Variants in SAMTOR observed in about 807,000 individuals in gnomAD.
SAMTOR encodes the protein S-adenosylmethionine sensor upstream of mTORC1.
the SAMTOR span, chr7:112,939,659 A>C: frequency 1.2e-6 from 2 of 1,613,700 alleles, no homozygotes; most frequent in Non-Finnish European, 1.7e-6. Flanking sequence ...CTCCTGCTCC[A>C]GTTTCCGCTC....
chr7:112,833,986 T>G, the SAMTOR span, among the ~76,000 whole-genome samples: 4 of 152,202 alleles, frequency 2.6e-5, no homozygotes, highest in South Asian at 8.3e-4. Context: ...TATCCTTATT[T>G]ATTCCCTTGA....
At chr7:112,928,663 G>A in the SAMTOR span, among the ~76,000 whole-genome samples, 2 of 151,756 alleles carry the variant, frequency 1.3e-5, no homozygotes, top group Non-Finnish European at 3.0e-5. Context: ...AACTACAGAG[G>A]ATGGCTTTCA....
chr7:112,846,816 T>C, the SAMTOR span, among the ~76,000 whole-genome samples: 7 of 152,324 alleles, frequency 4.6e-5, no homozygotes, highest in East Asian at 1.3e-3. Context: ...ACTGTATGCT[T>C]TTTGGAATAT....
chr7:112,854,568 C>T, the SAMTOR span, among the ~76,000 whole-genome samples: 37 of 152,220 alleles, frequency 2.4e-4, no homozygotes, highest in African/African-American at 7.5e-4. Context: ...TTGCAAGAAG[C>T]TCTTTAGTCA....
chr7:112,860,648 A>T, the SAMTOR span, among the ~76,000 whole-genome samples: 1 of 152,134 alleles, frequency 6.6e-6, no homozygotes, highest in Admixed American at 6.5e-5. Flanking sequence ...CACGCCTGTA[A>T]TCCCAGCACT....
At chr7:112,866,853 T>C in the SAMTOR span, among the ~76,000 whole-genome samples, 1 of 152,340 alleles carries the variant, frequency 6.6e-6, no homozygotes, top group South Asian at 2.1e-4. Context: ...TTCATACTAA[T>C]CCCTGCTTTT....
the SAMTOR span, among the ~76,000 whole-genome samples, chr7:112,836,562 A>G: frequency 6.6e-6 from 1 of 152,064 alleles, no homozygotes. Flanking sequence ...TATGTCCAGA[A>G]TGGTATTTCC....
the SAMTOR span, among the ~76,000 whole-genome samples, chr7:112,869,483 A>C: frequency 6.6e-6 from 1 of 152,108 alleles, no homozygotes; most frequent in African/African-American, 2.4e-5. Flanking sequence ...GGAACCCATA[A>C]CACATGAATA....
chr7:112,901,449 G>A, the SAMTOR span, among the ~76,000 whole-genome samples: 1 of 152,176 alleles, frequency 6.6e-6, no homozygotes, highest in Non-Finnish European at 1.5e-5. Flanking sequence ...GCTAATTGCA[G>A]GAAAACAAGC....
At chr7:112,927,576 T>C in the SAMTOR span, among the ~76,000 whole-genome samples, 1 of 152,064 alleles carries the variant, frequency 6.6e-6, no homozygotes. Flanking sequence ...ACATGTGTCT[T>C]AAAGTAAAAG....
the SAMTOR span, among the ~76,000 whole-genome samples, chr7:112,845,595 T>C: frequency 6.6e-6 from 1 of 152,070 alleles, no homozygotes; most frequent in Non-Finnish European, 1.5e-5. Context: ...CAGATGCTGG[T>C]GAGTTTGTGT....
chr7:112,925,477 T>A, the SAMTOR span, among the ~76,000 whole-genome samples: 1 of 152,340 alleles, frequency 6.6e-6, no homozygotes, highest in African/African-American at 2.4e-5. Context: ...TCTTTTCCTT[T>A]CTGCAAGACT....
the SAMTOR span, among the ~76,000 whole-genome samples, chr7:112,831,455 G>A: frequency 6.6e-6 from 1 of 152,014 alleles, no homozygotes; most frequent in South Asian, 2.1e-4. Context: ...TCAGGAGTTC[G>A]AGACCAGCCT....
the SAMTOR span, among the ~76,000 whole-genome samples, chr7:112,873,748 A>G: frequency 6.6e-6 from 1 of 152,196 alleles, no homozygotes; most frequent in Non-Finnish European, 1.5e-5. Context: ...TCTGCACCGC[A>G]AAAGAAACTA....
the SAMTOR span, among the ~76,000 whole-genome samples, chr7:112,922,070 A>C: frequency 6.6e-6 from 1 of 151,974 alleles, no homozygotes; most frequent in Non-Finnish European, 1.5e-5. Flanking sequence ...ATTCTCCTGC[A>C]TCAGCCTGCC....
chr7:112,923,690 T>G, the SAMTOR span, among the ~76,000 whole-genome samples: 2 of 151,906 alleles, frequency 1.3e-5, no homozygotes, highest in Admixed American at 6.6e-5. Context: ...ATCCCATTAC[T>G]GGGTATATAC....
chr7:112,930,031 T>C, the SAMTOR span, among the ~76,000 whole-genome samples: 122 of 152,280 alleles, frequency 8.0e-4, no homozygotes, highest in South Asian at 0.024. Context: ...CTTTTAGAAA[T>C]TCAGAACAAT....
chr7:112,877,139 G>C, the SAMTOR span, among the ~76,000 whole-genome samples: 1 of 152,132 alleles, frequency 6.6e-6, no homozygotes, highest in Non-Finnish European at 1.5e-5. Flanking sequence ...ACTAACCTAT[G>C]TTAACAGCAC....
At chr7:112,845,764 C>T in the SAMTOR span, among the ~76,000 whole-genome samples, 3 of 152,192 alleles carry the variant, frequency 2.0e-5, no homozygotes, top group African/African-American at 7.2e-5. Flanking sequence ...AATCATTTTA[C>T]CATAAAGACA....
Sources: allele counts gnomAD v4.1 joint callset (sites outside exome capture counted in the v4.1 genomes callset), GRCh38; gene constraint gnomAD v4.1.1; transcripts MANE v1.5; gene names NCBI Gene and HGNC (gene_info 2026-07-23, HGNC 2026-07-21).